The following PCDHB5 variants were observed in gnomAD, a reference collection of about 807,000 sequenced individuals.
PCDHB5 encodes protocadherin beta 5.
For synonymous variants in PCDHB5, 569 were observed against 462.2 expected (o/e 1.23, Z -2.96); for missense variants, 1,125 against 1,029.4 (o/e 1.09, Z -1.27).
At position 141,137,226 on chromosome 5, in the gene PCDHB5, A is replaced by C. The variant is rs781901511; in HGVS notation, c.1792A>C (p.Asn598His). The change falls in exon 1 of 1, where the codon AAC becomes CAC. Residue 598 changes from asparagine (N) to histidine (H), a missense_variant. Asn to His is a moderately conservative substitution (Grantham distance 68). Coordinates refer to ENST00000231134, the MANE Select transcript of PCDHB5 (RefSeq NM_015669.5). ...VVAVDGDSGQ[N>H]AWLSYQLLKA... ...GGCGGTGGACGGTGACTCGGGCCAGAACGCCTGGCTGTCGTACCAGCTGCT... is the reference window on the plus strand; with the variant it reads ...GGCGGTGGACGGTGACTCGGGCCAGCACGCCTGGCTGTCGTACCAGCTGCT... 1.1e-5 allele frequency: 17 copies of C among 1,610,984 alleles called. No homozygotes were observed. Among genetic ancestry groups the C allele is most frequent in the Non-Finnish European group, 1.4e-5 (17 of 1,179,638 alleles).
In PCDHB5 at chr5:141,136,484, G is replaced by T. The variant is rs4912599; in HGVS notation, c.1050G>T (p.Thr350=). The part of the protein sequence containing the change: ...NDNAPELTMS[T]LSSPTPENAP... ...ACGCCCCTGAACTCACCATGTCTAC[G>T]CTCTCCAGCCCTACCCCAGAAAATG... Residue 350 remains threonine (T), a synonymous_variant, in exon 1 of 1, where the codon ACG becomes ACT. Transcript: ENST00000231134. The T allele has an allele frequency of 6.2e-7, 1 of 1,613,982 alleles. No individual in the cohort carries two copies. Among genetic ancestry groups the T allele is most frequent in the Admixed American group, 1.7e-5 (1 of 60,004 alleles).
At position 141,136,764 on chromosome 5, in the gene PCDHB5, A is replaced by G; in HGVS notation, c.1330A>G (p.Asn444Asp). The G allele has an allele frequency of 1.2e-6, 2 of 1,614,072 alleles. No homozygotes were observed. Among genetic ancestry groups the G allele is most frequent in the Non-Finnish European group, 1.7e-6 (2 of 1,180,026 alleles). The stretch of plus-strand genomic sequence containing the variant: ...CATAACGGTCCTGGTCTCCGACGTC[A>G]ATGACAACGCCCCCGCCTTCACCCA... ...HNITVLVSDV[N>D]DNAPAFTQTS... is the part of the protein sequence containing the mutation. Residue 444 changes from asparagine to aspartate, a missense_variant, in exon 1 of 1, where the codon AAT becomes GAT. Physicochemically the swap from Asn to Asp is conservative, Grantham distance 23. Coordinates refer to ENST00000231134, the MANE Select transcript of PCDHB5 (RefSeq NM_015669.5).
chr5:141,137,692 G>C lies in PCDHB5; in HGVS notation c.2258G>C (p.Cys753Ser), dbSNP rs546849434. The C allele has an allele frequency of 3.7e-6, 6 of 1,614,242 alleles. No homozygotes were observed. The African/African-American group carries it at 6.7e-5, about 18-fold the overall frequency. ...TCCCAGAGCTACCACTACGAGGTGT[G>C]TTTGACCGGAGACTCAGGGGCCGGC... is the stretch of plus-strand genomic sequence containing the variant. ...TLSQSYHYEV[C>S]LTGDSGAGEF... The change falls in exon 1 of 1, where the codon TGT (cysteine) becomes TCT (serine). Residue 753 changes from cysteine to serine, a missense_variant. By Grantham distance (112) the Cys-to-Ser change is moderately radical. Transcript: ENST00000231134.
At position 141,135,269 on chromosome 5, in the gene PCDHB5, TA is replaced by T; in HGVS notation, c.-162del. ...CCATTAAGCTGGGGAATCCAAACTC[TA>T]AAAGAAGGACGCATTTTAGGTAAGA... On this transcript the variant is annotated 5_prime_UTR_variant, in exon 1 of 1. Transcript: ENST00000231134. 1.7e-6 allele frequency: 1 copy of T among 582,040 alleles called. No individual in the cohort carries two copies. The highest frequency in any genetic ancestry group is 3.0e-6 in the Non-Finnish European group (1 of 333,252). 36.1% of individuals were successfully genotyped at this position (582,040 alleles called of 1,614,324 possible).
chr5:141,135,542 A>G lies in PCDHB5; in HGVS notation c.108A>G (p.Pro36=), dbSNP rs2149632195. 6.2e-7 allele frequency: 1 copy of G among 1,614,176 alleles called. No individual in the cohort carries two copies. Among genetic ancestry groups the G allele is most frequent in the Non-Finnish European group, 8.5e-7 (1 of 1,180,018 alleles). Residue 36 remains proline (P), a synonymous_variant, in exon 1 of 1, where the codon CCA becomes CCG. Coordinates refer to ENST00000231134, the MANE Select transcript of PCDHB5 (RefSeq NM_015669.5). The part of the protein sequence containing the change: ...AGSEAVRYSI[P]EETESGYSVA... The stretch of plus-strand genomic sequence containing the variant: ...CTGAGGCAGTTAGGTATTCCATACC[A>G]GAAGAAACAGAAAGTGGCTATTCTG...
rs143055231 is a variant in PCDHB5, at chr5:141,136,680, T to C, written c.1246T>C (p.Tyr416His). 396 of 1,613,780 alleles carry C rather than the reference T, an allele frequency of 2.5e-4. No homozygotes were observed. The highest frequency in any genetic ancestry group is 3.2e-4 in the Non-Finnish European group (377 of 1,179,948). Reference protein sequence around the residue: ...RTLDRESQAEYNITITVTDMG... With the variant: ...RTLDRESQAEHNITITVTDMG... ...ACTGGACAGAGAGAGCCAAGCCGAGTACAACATCACCATCACTGTCACCGA... is the reference window on the plus strand; with the variant it reads ...ACTGGACAGAGAGAGCCAAGCCGAGCACAACATCACCATCACTGTCACCGA... Residue 416 changes from tyrosine to histidine, a missense_variant, in exon 1 of 1, where the codon TAC becomes CAC. Coordinates refer to ENST00000231134, the MANE Select transcript of PCDHB5 (RefSeq NM_015669.5).
rs1588323800 is a variant in PCDHB5 at position 141,135,354 on chromosome 5, C to A, written c.-81C>A. ...CTTGTGGAAATCAGTCAAGAAAGAT[C>A]GGATTCGCGGTTATTTATGCAAATC... On this transcript the variant is annotated 5_prime_UTR_variant, in exon 1 of 1. Transcript: ENST00000231134. 4 of 977,346 alleles carry A rather than the reference C, an allele frequency of 4.1e-6. No homozygotes were observed. Among genetic ancestry groups the A allele is most frequent in the Non-Finnish European group, 6.2e-6 (4 of 648,934 alleles). The allele number at this position is 977,346 out of a possible 1,614,324, so 60.5% of individuals were successfully genotyped here. A position where few individuals can be genotyped will look rare whatever the true frequency, so the allele number is the denominator to read the frequency against.
rs781897804 is a variant in PCDHB5 at position 141,137,040 on chromosome 5, G to C, written c.1606G>C (p.Gly536Arg). ...GTTCCGCGTGGGAGCCACAGACCGC[G>C]GCTCCCCGGCGCTGAGCAGCGAGGC... ...FEFRVGATDR[G>R]SPALSSEALV... The change falls in exon 1 of 1, where the codon GGC (glycine) becomes CGC (arginine). Residue 536 changes from glycine to arginine, a missense_variant. Gly to Arg is a moderately radical substitution (Grantham distance 125). Transcript: ENST00000231134. 2.5e-6 allele frequency: 4 copies of C among 1,611,754 alleles called. No individual in the cohort carries two copies. The highest frequency in any genetic ancestry group is 3.3e-5 in the Admixed American group (2 of 59,978).
At position 141,135,734 on chromosome 5, in the gene PCDHB5, A is replaced by C. The variant is rs782158477; in HGVS notation, c.300A>C (p.Glu100Asp). The change falls in exon 1 of 1, where the codon GAA becomes GAC. Residue 100 changes from glutamate (E) to aspartate (D), a missense_variant. Coordinates refer to ENST00000231134, the MANE Select transcript of PCDHB5 (RefSeq NM_015669.5). ...GGGAGGTGATGTGCGGGGCGACAGA[A>C]CCCTGTATATTGCATTTCCAGCTCT... Reference protein sequence around the residue: ...LDREVMCGATEPCILHFQLLL... With the variant: ...LDREVMCGATDPCILHFQLLL... 7 of 1,614,100 alleles carry C rather than the reference A, an allele frequency of 4.3e-6. No individual in the cohort carries two copies. In the Admixed American group the frequency reaches 1.2e-4, roughly 27 times the overall value.
Position 141,136,501 on chromosome 5 carries a change from C to A in PCDHB5, c.1067C>A (p.Pro356Gln), listed in dbSNP as rs1752579337. Residue 356 changes from proline (P) to glutamine (Q), a missense_variant, in exon 1 of 1, where the codon CCA becomes CAA. Coordinates refer to ENST00000231134, the MANE Select transcript of PCDHB5 (RefSeq NM_015669.5). ...ATGTCTACGCTCTCCAGCCCTACCC[C>A]AGAAAATGCCCCGGAAACTGTAGTT... Reference protein sequence around the residue: ...LTMSTLSSPTPENAPETVVAV... With the variant: ...LTMSTLSSPTQENAPETVVAV... 2 of 1,613,980 alleles carry A rather than the reference C, an allele frequency of 1.2e-6. No individual in the cohort carries two copies. The highest frequency in any genetic ancestry group is 1.1e-5 in the South Asian group (1 of 91,060).
chr5:141,137,074 G>GCGTGCTGGTGCT lies in PCDHB5; in HGVS notation c.1641_1652dup (p.Val548_Leu551dup). ...GCGCTGAGCAGCGAGGCGCTGGTGC[G>GCGTGCTGGTGCT]CGTGCTGGTGCTGGACGCCAACGAC... On this transcript the variant is annotated inframe_insertion, in exon 1 of 1. Transcript: ENST00000231134. 6.2e-7 allele frequency: 1 copy of GCGTGCTGGTGCT among 1,611,672 alleles called. No individual in the cohort carries two copies. Among genetic ancestry groups the GCGTGCTGGTGCT allele is most frequent in the Non-Finnish European group, 8.5e-7 (1 of 1,179,660 alleles).
At position 141,137,315 on chromosome 5, in the gene PCDHB5, G is replaced by T. The variant is rs782436953; in HGVS notation, c.1881G>T (p.Arg627Ser). 6.2e-7 allele frequency: 1 copy of T among 1,610,062 alleles called. No homozygotes were observed. Among genetic ancestry groups the T allele is most frequent in the Non-Finnish European group, 8.5e-7 (1 of 1,179,590 alleles). Residue 627 changes from arginine (R) to serine (S), a missense_variant, in exon 1 of 1, where the codon AGG (arginine) becomes AGT (serine). By Grantham distance (110) the Arg-to-Ser change is moderately radical (BLOSUM62 -1). Coordinates refer to ENST00000231134, the MANE Select transcript of PCDHB5 (RefSeq NM_015669.5). The stretch of plus-strand genomic sequence containing the variant: ...ACAATGGCGAGGTGCGCACCGCCAG[G>T]CTGCTGAGCGAGCGCGACGCGGCCA... ...WAHNGEVRTA[R>S]LLSERDAAKH...
Position 141,137,586 on chromosome 5 carries a change from G to A in PCDHB5, c.2152G>A (p.Ala718Thr), listed in dbSNP as rs1202865701. Residue 718 changes from alanine (A) to threonine (T), a missense_variant, in exon 1 of 1, where the codon GCG (alanine) becomes ACG (threonine). Physicochemically the swap from Ala to Thr is moderately conservative, Grantham distance 58. Transcript: ENST00000231134. ...VAVRLCRRSR[A>T]APVGRCSVPE... Reference sequence around the variant, plus strand: ...AGTGCGGCTGTGCAGGAGGAGCAGGGCGGCCCCGGTCGGTCGCTGCTCGGT... The same window carrying A: ...AGTGCGGCTGTGCAGGAGGAGCAGGACGGCCCCGGTCGGTCGCTGCTCGGT... 4.3e-6 allele frequency: 7 copies of A among 1,613,032 alleles called. No homozygotes were observed. In the Admixed American group the frequency reaches 5.0e-5, roughly 12 times the overall value.
At position 141,137,213 on chromosome 5, in the gene PCDHB5, T is replaced by C. The variant is rs246726; in HGVS notation, c.1779T>C (p.Gly593=). ...TGACCAAGGTGGTGGCGGTGGACGG[T>C]GACTCGGGCCAGAACGCCTGGCTGT... ...YLVTKVVAVD[G]DSGQNAWLSY... is the part of the protein sequence containing the mutation. The change falls in exon 1 of 1, where the codon GGT becomes GGC. Residue 593 remains glycine, a synonymous_variant. Coordinates refer to ENST00000231134, the MANE Select transcript of PCDHB5 (RefSeq NM_015669.5). 0.18 allele frequency: 286,213 copies of C among 1,610,466 alleles called. 26,542 individuals are homozygous for C. The highest frequency in any genetic ancestry group is 0.23 in the African/African-American group (17,255 of 74,896).
In PCDHB5 at chr5:141,136,548, C is replaced by A. The variant is rs186766631; in HGVS notation, c.1114C>A (p.Pro372Thr). 1 of 1,614,088 alleles carries A rather than the reference C, an allele frequency of 6.2e-7. No individual in the cohort carries two copies. The highest frequency in any genetic ancestry group is 8.5e-7 in the Non-Finnish European group (1 of 1,180,020). Reference sequence around the variant, plus strand: ...AGTTGCCGTTTTCAGTGTTTCTGATCCAGACTCCGGGGACAACGGTAGGAT... The same window carrying A: ...AGTTGCCGTTTTCAGTGTTTCTGATACAGACTCCGGGGACAACGGTAGGAT... ...TVVAVFSVSD[P>T]DSGDNGRMIC... Residue 372 changes from proline (P) to threonine (T), a missense_variant, in exon 1 of 1, where the codon CCA (proline) becomes ACA (threonine). Physicochemically the swap from Pro to Thr is conservative, Grantham distance 38. Transcript: ENST00000231134.
At position 141,135,714 on chromosome 5, in the gene PCDHB5, G is replaced by A. The variant is rs782613685; in HGVS notation, c.280G>A (p.Val94Met). 21 of 1,614,024 alleles carry A rather than the reference G, an allele frequency of 1.3e-5. No individual in the cohort carries two copies. Among genetic ancestry groups the A allele is most frequent in the Non-Finnish European group, 1.6e-5 (19 of 1,180,038 alleles). The change falls in exon 1 of 1, where the codon GTG (valine) becomes ATG (methionine). Residue 94 changes from valine (V) to methionine (M), a missense_variant. Physicochemically the swap from Val to Met is conservative, Grantham distance 21. Transcript: ENST00000231134. Reference protein sequence around the residue: ...LLLYEKLDREVMCGATEPCIL... With the variant: ...LLLYEKLDREMMCGATEPCIL... ...TCTATATGAAAAACTAGACCGGGAG[G>A]TGATGTGCGGGGCGACAGAACCCTG...
Position 141,135,446 on chromosome 5 carries a change from G to T in PCDHB5, c.12G>T (p.Ala4=), listed in dbSNP as rs782585460. The change falls in exon 1 of 1, where the codon GCG becomes GCT. Residue 4 remains alanine, a synonymous_variant. Transcript: ENST00000231134. ...ACCGGGTCTGAACAATGGAGACTGC[G>T]CTAGCAAAAACGCCACAGAAAAGGC... The part of the protein sequence containing the change: MET[A]LAKTPQKRQV... The T allele has an allele frequency of 6.2e-7, 1 of 1,607,842 alleles. No individual in the cohort carries two copies. The highest frequency in any genetic ancestry group is 1.7e-5 in the Admixed American group (1 of 59,542).
In PCDHB5 at chr5:141,136,227, T is replaced by C. The variant is rs1554275847; in HGVS notation, c.793T>C (p.Ser265Pro). 1 of 1,614,130 alleles carries C rather than the reference T, an allele frequency of 6.2e-7. No homozygotes were observed. Among genetic ancestry groups the C allele is most frequent in the Non-Finnish European group, 8.5e-7 (1 of 1,180,008 alleles). Residue 265 changes from serine to proline, a missense_variant, in exon 1 of 1, where the codon TCC becomes CCC. Coordinates refer to ENST00000231134, the MANE Select transcript of PCDHB5 (RefSeq NM_015669.5). ...CCTTAACTCCTTAGTTGTCGTTGTCTCCGCTCGAGATTTAGATGCAGGAGC... is the reference window on the plus strand; with the variant it reads ...CCTTAACTCCTTAGTTGTCGTTGTCCCCGCTCGAGATTTAGATGCAGGAGC... Reference protein sequence around the residue: ...SPLNSLVVVVSARDLDAGAYG... With the variant: ...SPLNSLVVVVPARDLDAGAYG...
At position 141,136,248 on chromosome 5, in the gene PCDHB5, G is replaced by C. The variant is rs782093277; in HGVS notation, c.814G>C (p.Gly272Arg). Residue 272 changes from glycine to arginine, a missense_variant, in exon 1 of 1, where the codon GGA (glycine) becomes CGA (arginine). By Grantham distance (125) the Gly-to-Arg change is moderately radical. Coordinates refer to ENST00000231134, the MANE Select transcript of PCDHB5 (RefSeq NM_015669.5). ...TGTCTCCGCTCGAGATTTAGATGCAGGAGCATATGGGAGTGTAGCCTATGC... is the reference window on the plus strand; with the variant it reads ...TGTCTCCGCTCGAGATTTAGATGCACGAGCATATGGGAGTGTAGCCTATGC... ...VVVSARDLDAGAYGSVAYALF... is the reference protein window; with the variant it reads ...VVVSARDLDARAYGSVAYALF... 6 of 1,614,128 alleles carry C rather than the reference G, an allele frequency of 3.7e-6. No individual in the cohort carries two copies. In the South Asian group the frequency reaches 6.6e-5, roughly 18 times the overall value.
Sources: gnomAD v4.1 joint callset for allele counts on GRCh38, gnomAD v4.1.1 for gene constraint, MANE v1.5 for transcripts, NCBI Gene and HGNC (gene_info 2026-07-23, HGNC 2026-07-21) for gene names.